RMDN2: variants seen among roughly 807,000 people sequenced by gnomAD.
RMDN2 encodes regulator of microtubule dynamics 2, also known as regulator of microtubule dynamics protein 2.
RMDN2 carries 61 observed loss-of-function variants against 52.8 expected under a neutral mutation model. That is an observed-to-expected ratio of 1.16 (90% CI 0.94 to 1.43). The LOEUF (loss-of-function observed/expected upper bound fraction) is 1.43. RMDN2 is among the 40% of genes most tolerant of loss of function. The pLI is 0.00. For missense variants in RMDN2, 592 were observed against 475.3 expected (o/e 1.25, Z -2.28); for synonymous variants, 180 against 153.1 (o/e 1.18, Z -1.30).
At chr2:37,966,568 C>T (rs1450888226) in intron 2 of RMDN2, among the ~76,000 whole-genome samples, 1 of 152,044 alleles carries the variant, frequency 6.6e-6, no homozygotes, top group African/African-American at 2.4e-5. Context: ...TTCATGAGGC[C>T]CCGTAGGTCC....
chr2:38,066,884 T>C (rs1682306241), intron 10 of RMDN2: 2 of 1,089,258 alleles, frequency 1.8e-6, no homozygotes, highest in East Asian at 2.4e-5. Flanking sequence ...AACCACTCCA[T>C]AGCCATACCT....
chr2:38,050,581 T>G (rs1460784785), intron 10 of RMDN2, among the ~76,000 whole-genome samples: 1 of 152,104 alleles, frequency 6.6e-6, no homozygotes, highest in South Asian at 2.1e-4. Context: ...GACCTAGATA[T>G]CCTACCATGG....
intron 10 of RMDN2, chr2:38,027,375 T>C (rs1434013266): frequency 6.6e-6 from 1 of 152,200 alleles, no homozygotes; most frequent in Non-Finnish European, 1.5e-5. Flanking sequence ...GTCCCTGTTT[T>C]AGATTTTGAA....
intron 10 of RMDN2, chr2:38,030,779 C>G (rs936092261): frequency 1.3e-5 from 2 of 152,206 alleles, no homozygotes; most frequent in Non-Finnish European, 2.9e-5. Context: ...CACTTTGTTT[C>G]TAAGACTGTG....
intron 2 of RMDN2, 64 bp downstream of exon 2, chr2:37,929,793 T>A: frequency 9.2e-7 from 1 of 1,091,612 alleles, no homozygotes; most frequent in Non-Finnish European, 1.3e-6. Flanking sequence ...ATTATTTAGG[T>A]ATTTTCATTA....
chr2:38,044,307 T>C (rs1558584109), intron 10 of RMDN2, among the ~76,000 whole-genome samples: 1 of 152,052 alleles, frequency 6.6e-6, no homozygotes, highest in Non-Finnish European at 1.5e-5. Flanking sequence ...TCTTTCAAAG[T>C]TTTCTGTTTG....
At chr2:37,963,201 A>C (rs1670498077) in intron 2 of RMDN2, 1 of 152,226 alleles carries the variant, frequency 6.6e-6, no homozygotes, top group Non-Finnish European at 1.5e-5. Context: ...GCTCTGTGAA[A>C]CATTTTGAAA....
At chr2:37,963,903 C>T (rs1246885146) in intron 2 of RMDN2, among the ~76,000 whole-genome samples, 19 of 117,876 alleles carry the variant, frequency 1.6e-4, no homozygotes, top group South Asian at 1.3e-3. Context: ...GGGGCAGAGG[C>T]GCCCCCCCAC....
At chr2:38,007,342 C>T (rs1677252216) in intron 10 of RMDN2, among the ~76,000 whole-genome samples, 1 of 152,002 alleles carries the variant, frequency 6.6e-6, no homozygotes, top group African/African-American at 2.4e-5. Context: ...TCCTGGACTT[C>T]TTTTGGTTGG....
At chr2:38,018,945 C>T (rs906201799), downstream of RMDN2, among the ~76,000 whole-genome samples, 1 of 152,144 alleles carries the variant, frequency 6.6e-6, no homozygotes, top group African/African-American at 2.4e-5. Context: ...GATAGACATT[C>T]TGGTTAGGTA....
intron 10 of RMDN2, among the ~76,000 whole-genome samples, chr2:38,016,731 C>A (rs572005557): frequency 6.6e-6 from 1 of 152,094 alleles, no homozygotes; most frequent in Admixed American, 6.5e-5. Flanking sequence ...CAGGGCTAAA[C>A]CCTACACCCT....
In RMDN2 at chr2:37,989,561, A is replaced by G. The variant is rs1016272455; in HGVS notation, c.812A>G (p.Tyr271Cys). The G allele has an allele frequency of 1.9e-6, 3 of 1,610,482 alleles. No individual in the cohort carries two copies. The highest frequency in any genetic ancestry group is 1.7e-6 in the Non-Finnish European group (2 of 1,178,892). Residue 271 changes from tyrosine to cysteine, a missense_variant, in exon 6 of 11, where the codon TAT becomes TGT. Tyr to Cys is a radical substitution (Grantham distance 194). Coordinates refer to ENST00000354545, the MANE Select transcript of RMDN2 (RefSeq NM_001170791.3). ...TTCAGGTATGCAGTTTTGTGTGGCT[A>G]TGTATCTGAGTTTGAGGGTTTACAA... Reference protein sequence around the residue: ...CHLWYAVLCGYVSEFEGLQNK... With the variant: ...CHLWYAVLCGCVSEFEGLQNK...
At position 37,943,844 on chromosome 2, in the gene RMDN2, C is replaced by G. The variant is rs146955316; in HGVS notation, c.452+14115C>G. 8.9e-4 allele frequency among the ~76,000 whole-genome samples: 135 copies of G among 152,142 alleles called. 2 individuals carry two copies. In the East Asian group the frequency reaches 0.017, roughly 20 times the overall value. On this transcript the variant is annotated intron_variant, in intron 2 of 10. Coordinates refer to ENST00000354545, the MANE Select transcript of RMDN2 (RefSeq NM_001170791.3). ...AATTGAGGCTTTTTTTTCACCCTGA[C>G]TTTATAATTTTTAGTACACAATATT...
intron 10 of RMDN2, among the ~76,000 whole-genome samples, chr2:38,060,824 A>G (rs1682014852): frequency 1.2e-5 from 1 of 81,234 alleles, no homozygotes; most frequent in Non-Finnish European, 2.8e-5. Flanking sequence ...TGCTGGGTAC[A>G]CAGCACAACA....
chr2:37,955,959 T>A (rs889991130), intron 2 of RMDN2, among the ~76,000 whole-genome samples: 1 of 58,814 alleles, frequency 1.7e-5, no homozygotes, highest in Non-Finnish European at 3.2e-5. Flanking sequence ...TGCTGTTATT[T>A]CATTCAGAAT....
chr2:37,997,296 T>C, intron 7 of RMDN2, 120 bp from the exon 8 acceptor site: 4 of 687,036 alleles, frequency 5.8e-6, no homozygotes, highest in Non-Finnish European at 1.0e-5. Flanking sequence ...CATTTGTATA[T>C]GTTATATCTA....
At chr2:37,937,613 A>G (rs1179802309) in intron 2 of RMDN2, among the ~76,000 whole-genome samples, 1 of 152,150 alleles carries the variant, frequency 6.6e-6, no homozygotes, top group Non-Finnish European at 1.5e-5. Context: ...GGTCCTTCAC[A>G]TCCCTTCTAA....
chr2:38,001,427 T>C (rs985518491), intron 8 of RMDN2, among the ~76,000 whole-genome samples: 6 of 152,212 alleles, frequency 3.9e-5, no homozygotes, highest in African/African-American at 1.4e-4. Flanking sequence ...CCAAGTCCTT[T>C]TGTGAAAGGT....
intron 2 of RMDN2, among the ~76,000 whole-genome samples, chr2:37,962,717 G>A (rs186643672): frequency 7.6e-4 from 115 of 151,766 alleles, no homozygotes; most frequent in African/African-American, 2.7e-3. Context: ...TCTTTCTGGG[G>A]TTCACACCCC....
Sources: gnomAD v4.1 joint callset for allele counts (sites outside exome capture counted in the v4.1 genomes callset) on GRCh38, gnomAD v4.1.1 for gene constraint, MANE v1.5 for transcripts, NCBI Gene and HGNC (gene_info 2026-07-23, HGNC 2026-07-21) for gene names.